Variants in SH2B3 observed in about 807,000 individuals in gnomAD.
SH2B3 encodes SH2B adaptor protein 3, also known as SH2B adapter protein 3.
SH2B3 carries 43 observed loss-of-function variants against 51.9 expected under a neutral mutation model. That is an observed-to-expected ratio of 0.83 (90% CI 0.65 to 1.07). The LOEUF (loss-of-function observed/expected upper bound fraction) is 1.07, where lower values mean the gene tolerates loss of function less well. Among genes scored for constraint, SH2B3 ranks in the 50% least tolerant of loss-of-function variants. SH2B3 has a pLI of 0.00. For synonymous variants in SH2B3, 396 were observed against 376.0 expected (o/e 1.05, Z -0.62); for missense variants, 952 against 834.3 (o/e 1.14, Z -1.74).
At chr12:111,423,651 T>C (rs1406724180) in intron 2 of SH2B3, among the ~76,000 whole-genome samples, 1 of 152,164 alleles carries the variant, frequency 6.6e-6, no homozygotes, top group Non-Finnish European at 1.5e-5. Flanking sequence ...ATTACAGGCG[T>C]GAGCCACTGC....
At chr12:111,427,760 A>T (rs1429623273) in intron 2 of SH2B3, among the ~76,000 whole-genome samples, 1 of 152,220 alleles carries the variant, frequency 6.6e-6, no homozygotes, top group East Asian at 1.9e-4. Flanking sequence ...ACAGTGGAGG[A>T]CATGATGGAG....
In SH2B3 at chr12:111,447,201, A is replaced by G. The variant is rs1874076341; in HGVS notation, c.1003A>G (p.Thr335Ala). ...PSTSSSPRGS[T>A]DSLNQGASPG... ...CACGTCCAGCTCCCCAAGGGGCAGCACAGATTCCCTTAACCAAGGTGGGTA... is the reference window on the plus strand; with the variant it reads ...CACGTCCAGCTCCCCAAGGGGCAGCGCAGATTCCCTTAACCAAGGTGGGTA... The change falls in exon 5 of 8, where the codon ACA becomes GCA. Residue 335 changes from threonine to alanine, a missense_variant. Coordinates refer to ENST00000341259, the MANE Select transcript of SH2B3 (RefSeq NM_005475.3). The G allele has an allele frequency of 2.5e-6, 4 of 1,613,430 alleles. No individual in the cohort carries two copies. The highest frequency in any genetic ancestry group is 2.5e-6 in the Non-Finnish European group (3 of 1,179,428).
rs59301682 is a variant in SH2B3, at chr12:111,420,367, CAAAAA to C, written c.732+1510_732+1514del. Among the ~76,000 whole-genome samples, 90 of 64,460 alleles carry C rather than the reference CAAAAA, an allele frequency of 1.4e-3. 1 individual carries two copies. The East Asian group carries it at 0.028, about 20-fold the overall frequency. The allele number at this position is 64,460 out of a possible 152,430, so 42.3% of individuals were successfully genotyped here. ...TGGGTGACAGAGCGAGACCCTGTCT[CAAAAA>C]AAAAAAAAAAAAAAAAAAAGTTCTT... On this transcript the variant is annotated intron_variant, in intron 2 of 7. Transcript: ENST00000341259.
At chr12:111,431,180 G>A (rs1872460104) in intron 2 of SH2B3, among the ~76,000 whole-genome samples, 1 of 152,210 alleles carries the variant, frequency 6.6e-6, no homozygotes, top group Non-Finnish European at 1.5e-5. Context: ...GGGTGACAGT[G>A]TACATCGGGG....
At chr12:111,428,662 G>A (rs1872201742) in intron 2 of SH2B3, among the ~76,000 whole-genome samples, 1 of 152,184 alleles carries the variant, frequency 6.6e-6, no homozygotes, top group Non-Finnish European at 1.5e-5. Flanking sequence ...GAGCCCGGGT[G>A]TCTGATGAGT....
At chr12:111,424,771 C>T (rs11065898) in intron 2 of SH2B3, among the ~76,000 whole-genome samples, 31,970 of 152,198 alleles carry the variant, frequency 0.21, 3,467 homozygotes, top group East Asian at 0.32. Flanking sequence ...CAGACCACAA[C>T]TCTTGCATGT....
chr12:111,428,806 G>A (rs1872211658), intron 2 of SH2B3, among the ~76,000 whole-genome samples: 1 of 152,106 alleles, frequency 6.6e-6, no homozygotes, highest in African/African-American at 2.4e-5. Context: ...GTCCGTCCTT[G>A]CCGTGATTCT....
rs1874240560 is a variant in SH2B3 at position 111,448,215 on chromosome 12, G to A, written c.1641G>A (p.Val547=). The change falls in exon 8 of 8, where the codon GTG becomes GTA. Residue 547 remains valine, a synonymous_variant. Coordinates refer to ENST00000341259, the MANE Select transcript of SH2B3 (RefSeq NM_005475.3). The part of the protein sequence containing the change: ...NSLQHLEHEP[V]NRARDSDYEM... ...TGCAGCACCTGGAGCATGAGCCTGTGAATCGAGCCCGGGACTCGGACTACG... is the reference window on the plus strand; with the variant it reads ...TGCAGCACCTGGAGCATGAGCCTGTAAATCGAGCCCGGGACTCGGACTACG... The A allele has an allele frequency of 6.2e-7, 1 of 1,614,200 alleles. No homozygotes were observed. The highest frequency in any genetic ancestry group is 8.5e-7 in the Non-Finnish European group (1 of 1,180,040).
intron 2 of SH2B3, among the ~76,000 whole-genome samples, chr12:111,433,932 G>A (rs1035523915): frequency 6.6e-6 from 1 of 152,128 alleles, no homozygotes; most frequent in African/African-American, 2.4e-5. Flanking sequence ...GTTTTGATAT[G>A]CATTTCCCCA....
chr12:111,425,704 T>C (rs891224709), intron 2 of SH2B3, among the ~76,000 whole-genome samples: 10 of 151,960 alleles, frequency 6.6e-5, no homozygotes, highest in African/African-American at 2.2e-4. Context: ...CACCTGCGGG[T>C]GGGAGTGGGT....
intron 2 of SH2B3, among the ~76,000 whole-genome samples, chr12:111,439,932 C>T (rs968201721): frequency 6.6e-6 from 1 of 152,170 alleles, no homozygotes; most frequent in African/African-American, 2.4e-5. Flanking sequence ...CCTGGCTGCT[C>T]AGCTCCCAGC....
chr12:111,405,536 A>G (rs571693889), upstream of SH2B3, among the ~76,000 whole-genome samples: 2 of 149,122 alleles, frequency 1.3e-5, no homozygotes, highest in Admixed American at 6.6e-5. The surrounding 1 kb of genome is among the most constrained non-coding windows in gnomAD (Gnocchi z 5.4). Context: ...CCGCCCCTTC[A>G]TCTGGCCCCG....
Position 111,406,091 on chromosome 12 carries a change from G to T in SH2B3, c.-214G>T. The T allele has an allele frequency of 6.6e-6, 1 of 151,820 alleles. No individual in the cohort carries two copies. Among genetic ancestry groups the T allele is most frequent in the East Asian group, 1.9e-4 (1 of 5,188 alleles). The allele number at this position is 151,820 out of a possible 1,614,324, so 9.4% of individuals were successfully genotyped here. A position where few individuals can be genotyped will look rare whatever the true frequency, so the allele number is the denominator to read the frequency against. ...GTCAAGCGCTGGCGGCGGAAATGAT[G>T]AGGCGCTGGCCATTTTCCGAGCCCG... is the stretch of plus-strand genomic sequence containing the variant. On this transcript the variant is annotated 5_prime_UTR_variant, in exon 1 of 8. It removes an upstream start codon present in the reference 5' UTR. Coordinates refer to ENST00000341259, the MANE Select transcript of SH2B3 (RefSeq NM_005475.3). The surrounding 1 kb of genome is among the most constrained non-coding windows in gnomAD (Gnocchi z 5.7).
chr12:111,424,188 T>C (rs1871792140), intron 2 of SH2B3, among the ~76,000 whole-genome samples: 1 of 151,998 alleles, frequency 6.6e-6, no homozygotes, highest in African/African-American at 2.4e-5. Context: ...TGGCCCTGGG[T>C]TTGAATAATG....
chr12:111,413,395 G>A (rs1391548031), intron 1 of SH2B3, among the ~76,000 whole-genome samples: 2 of 152,216 alleles, frequency 1.3e-5, no homozygotes, highest in African/African-American at 4.8e-5. Flanking sequence ...GTGAGACCCT[G>A]TCTCTAAAAA....
chr12:111,444,802 G>A, intron 2 of SH2B3: 1 of 985,636 alleles, frequency 1.0e-6, no homozygotes, highest in Non-Finnish European at 1.2e-6. Context: ...CTGCGCCCAT[G>A]TGCCCACACG....
intron 2 of SH2B3, among the ~76,000 whole-genome samples, chr12:111,421,996 T>A (rs1166339506): frequency 6.6e-6 from 1 of 152,272 alleles, no homozygotes; most frequent in Non-Finnish European, 1.5e-5. Context: ...TGCACCATTT[T>A]GTGTCCCACC....
At chr12:111,423,652 G>T (rs140856061) in intron 2 of SH2B3, among the ~76,000 whole-genome samples, 109 of 152,288 alleles carry the variant, frequency 7.2e-4, no homozygotes, top group African/African-American at 2.5e-3. Flanking sequence ...TTACAGGCGT[G>T]AGCCACTGCG....
Position 111,418,628 on chromosome 12 carries a change from C to CGCCCCCGGG in SH2B3, c.484_492dup (p.Ala162_Gly164dup), listed in dbSNP as rs1399169403. On this transcript the variant is annotated inframe_insertion, in exon 2 of 8. Coordinates refer to ENST00000341259, the MANE Select transcript of SH2B3 (RefSeq NM_005475.3). The surrounding 1 kb of genome is among the most constrained non-coding windows in gnomAD (Gnocchi z 6.7). ...AGCTGCCAGCGGCCCACACCGCTGC[C>CGCCCCCGGG]GCCCCCGGGACCCCCGGAGAGGCTG... 7 of 1,475,654 alleles carry CGCCCCCGGG rather than the reference C, an allele frequency of 4.7e-6. No homozygotes were observed. Among genetic ancestry groups the CGCCCCCGGG allele is most frequent in the Non-Finnish European group, 6.2e-6 (7 of 1,122,776 alleles). The allele number at this position is 1,475,654 out of a possible 1,614,324, so 91.4% of individuals were successfully genotyped here. A position where few individuals can be genotyped will look rare whatever the true frequency, so the allele number is the denominator to read the frequency against.
Sources: allele counts gnomAD v4.1 joint callset (sites outside exome capture counted in the v4.1 genomes callset), GRCh38; gene constraint gnomAD v4.1.1; non-coding constraint Gnocchi (gnomAD v3.1); transcripts MANE v1.5; gene names NCBI Gene and HGNC (gene_info 2026-07-23, HGNC 2026-07-21).